Variants in NELL1 observed in about 807,000 individuals in gnomAD.
The protein encoded by NELL1 is neural EGFL like 1.
Under a neutral mutation model 107.4 loss-of-function variants are expected in NELL1, and 76 were observed. The observed-to-expected ratio is 0.71, with a 90% CI of 0.59 to 0.86. NELL1 has a LOEUF of 0.86. Ranked by LOEUF, NELL1 falls within the 40% of genes least tolerant of loss-of-function variation. NELL1 has a pLI of 0.00. For missense variants in NELL1, 1,024 were observed against 1,005.5 expected, an observed-to-expected ratio of 1.02 and a Z score of -0.25; for synonymous variants, 353 against 341.2, an observed-to-expected ratio of 1.03 and a Z score of -0.38.
At chr11:20,719,543 T>C (rs1330714068) in intron 2 of NELL1, among the ~76,000 whole-genome samples, 1 of 152,192 alleles carries the variant, frequency 6.6e-6, no homozygotes, top group Non-Finnish European at 1.5e-5. Context: ...CAAGGATCCT[T>C]ACCTTAAAAG....
intron 15 of NELL1, among the ~76,000 whole-genome samples, chr11:21,411,455 G>T (rs937807194): frequency 1.3e-5 from 2 of 151,974 alleles, no homozygotes; most frequent in Admixed American, 1.3e-4. Context: ...AACAATAATG[G>T]CAATAATAAT....
At chr11:21,024,482 A>G (rs1852770648) in intron 12 of NELL1, among the ~76,000 whole-genome samples, 1 of 152,130 alleles carries the variant, frequency 6.6e-6, no homozygotes, top group Admixed American at 6.5e-5. Context: ...TTGAAGTGTT[A>G]GTTAAAATTT....
intron 2 of NELL1, among the ~76,000 whole-genome samples, chr11:20,712,548 A>C (rs1048204851): frequency 5.3e-5 from 8 of 152,184 alleles, no homozygotes; most frequent in Non-Finnish European, 1.2e-4. Flanking sequence ...GTGTTATAGA[A>C]CCTGTTTTGT....
intron 3 of NELL1, among the ~76,000 whole-genome samples, chr11:20,832,535 T>G (rs568409108): frequency 6.6e-6 from 1 of 152,164 alleles, no homozygotes; most frequent in Non-Finnish European, 1.5e-5. Context: ...ATTTTTGAAA[T>G]AAATGAATGA....
chr11:21,030,644 CTTAT>C (rs1229943988), intron 12 of NELL1, among the ~76,000 whole-genome samples: 4 of 76,064 alleles, frequency 5.3e-5, no homozygotes, highest in African/African-American at 2.0e-4. Flanking sequence ...TTTTTTTTTA[CTTAT>C]TTAACCTTGT....
chr11:21,017,143 C>T (rs931838966), intron 12 of NELL1, among the ~76,000 whole-genome samples: 6 of 152,138 alleles, frequency 3.9e-5, no homozygotes, highest in South Asian at 4.1e-4. Flanking sequence ...TATATGATTT[C>T]GTGTTAGAGA....
At chr11:21,062,271 T>A (rs1012688983) in intron 12 of NELL1, among the ~76,000 whole-genome samples, 2 of 152,236 alleles carry the variant, frequency 1.3e-5, no homozygotes, top group Non-Finnish European at 2.9e-5. Flanking sequence ...ACATAAAATA[T>A]ATAATGAACA....
chr11:20,693,819 C>G (rs200458573), intron 2 of NELL1, among the ~76,000 whole-genome samples: 4 of 152,064 alleles, frequency 2.6e-5, no homozygotes, highest in Middle Eastern at 3.4e-3. Context: ...TTTCCTGAAT[C>G]TGAATGTTGG....
intron 12 of NELL1, among the ~76,000 whole-genome samples, chr11:21,041,281 C>T (rs904783124): frequency 7.2e-5 from 11 of 152,076 alleles, no homozygotes; most frequent in Non-Finnish European, 1.5e-4. Context: ...CCTTACCTTG[C>T]GTAGTCGCTT....
intron 12 of NELL1, among the ~76,000 whole-genome samples, chr11:21,100,299 T>C (rs1854773013): frequency 6.6e-6 from 1 of 152,220 alleles, no homozygotes; most frequent in Admixed American, 6.5e-5. Context: ...ATTACAGGCA[T>C]CATCCACCAT....
chr11:21,421,564 T>C (rs1590920163), intron 15 of NELL1, among the ~76,000 whole-genome samples: 1 of 152,060 alleles, frequency 6.6e-6, no homozygotes, highest in Admixed American at 6.6e-5. Context: ...GAAGCCATTG[T>C]TGTAAGCCCT....
chr11:21,536,447 C>T (rs1479347741), intron 16 of NELL1, among the ~76,000 whole-genome samples: 1 of 152,100 alleles, frequency 6.6e-6, no homozygotes, highest in Non-Finnish European at 1.5e-5. Flanking sequence ...TTTCATTTTC[C>T]TAAATTTAGC....
chr11:20,933,418 A>G (rs142584251), intron 9 of NELL1, among the ~76,000 whole-genome samples: 23 of 152,338 alleles, frequency 1.5e-4, no homozygotes, highest in African/African-American at 5.3e-4. Context: ...AGGTGGAGAA[A>G]GCAGTATGGG....
chr11:20,848,651 C>A (rs1848743826), intron 4 of NELL1, among the ~76,000 whole-genome samples: 1 of 152,128 alleles, frequency 6.6e-6, no homozygotes, highest in Non-Finnish European at 1.5e-5. Flanking sequence ...GGCTTGCTCC[C>A]TTGAACCCAG....
chr11:20,973,448 C>G (rs1851542234), intron 12 of NELL1, among the ~76,000 whole-genome samples: 1 of 152,134 alleles, frequency 6.6e-6, no homozygotes, highest in African/African-American at 2.4e-5. Context: ...AGGTTAAGAG[C>G]TATTCAAAGG....
At chr11:21,385,659 G>A (rs1851728597) in intron 15 of NELL1, among the ~76,000 whole-genome samples, 2 of 151,878 alleles carry the variant, frequency 1.3e-5, no homozygotes, top group East Asian at 1.9e-4. Context: ...ATTGCAGCCG[G>A]TATAATCCTT....
chr11:21,368,294 C>A (rs986829616), intron 14 of NELL1, among the ~76,000 whole-genome samples: 1 of 149,920 alleles, frequency 6.7e-6, no homozygotes, highest in African/African-American at 2.4e-5. Context: ...ATAATAGGTA[C>A]ATGAACTTGA....
chr11:21,022,224 G>T (rs562339783), intron 12 of NELL1, among the ~76,000 whole-genome samples: 3 of 152,144 alleles, frequency 2.0e-5, no homozygotes, highest in Non-Finnish European at 4.4e-5. Context: ...CATGTGGCAG[G>T]TTCTTTGGCG....
chr11:21,222,363 G>A (rs949153575), intron 13 of NELL1, among the ~76,000 whole-genome samples: 1 of 149,622 alleles, frequency 6.7e-6, no homozygotes, highest in Admixed American at 6.6e-5. Context: ...GTATTTTTTT[G>A]TATTTTTTTT....
Sources: gnomAD v4.1 joint callset for allele counts (sites outside exome capture counted in the v4.1 genomes callset) on GRCh38, gnomAD v4.1.1 for gene constraint, MANE v1.5 for transcripts, NCBI Gene and HGNC (gene_info 2026-07-23, HGNC 2026-07-21) for gene names.